The following AKT3 variants were observed in gnomAD, a reference collection of about 807,000 sequenced individuals.
The protein encoded by AKT3 is RAC-gamma serine/threonine-protein kinase.
A neutral mutation model predicts 65.3 loss-of-function variants in AKT3; 15 were observed. The observed-to-expected ratio is 0.23, with a 90% CI of 0.15 to 0.35. The LOEUF is 0.35. Ranked by LOEUF, AKT3 falls within the 10% of genes least tolerant of loss-of-function variation. AKT3 has a pLI of 1.00. For missense variants in AKT3, 243 were observed against 576.5 expected, an observed-to-expected ratio of 0.42 and a Z score of 5.92; for synonymous variants, 206 against 183.8, an observed-to-expected ratio of 1.12 and a Z score of -0.98.
chr1:243,770,383 C>G (rs1475863213), intron 2 of AKT3, among the ~76,000 whole-genome samples: 1 of 152,070 alleles, frequency 6.6e-6, no homozygotes, highest in East Asian at 1.9e-4. Flanking sequence ...TCAAAGAGAA[C>G]AAATTAATCA....
Position 243,577,877 on chromosome 1 carries a change from C to T in AKT3, c.697-4829G>A, listed in dbSNP as rs141192718. ...TCCCCATTCAAAAGTGGGCAAAGGACATGAGCAGACACTTCTCAAAAGAAG... is the reference window on the plus strand; with the variant it reads ...TCCCCATTCAAAAGTGGGCAAAGGATATGAGCAGACACTTCTCAAAAGAAG... On this transcript the variant is annotated intron_variant, in intron 8 of 13. Transcript: ENST00000673466. Among the ~76,000 whole-genome samples, 663 of 152,204 alleles carry T rather than the reference C, an allele frequency of 4.4e-3. 5 individuals are homozygous for T. Among genetic ancestry groups the T allele is most frequent in the African/African-American group, 0.015 (640 of 41,522 alleles).
At chr1:243,612,297 T>C (rs748467486) in intron 8 of AKT3, among the ~76,000 whole-genome samples, 1 of 151,870 alleles carries the variant, frequency 6.6e-6, no homozygotes, top group Non-Finnish European at 1.5e-5. Flanking sequence ...TTATTTTTTG[T>C]AGAGACAAGC....
intron 8 of AKT3, among the ~76,000 whole-genome samples, chr1:243,612,122 T>A (rs1309110255): frequency 6.6e-6 from 1 of 151,970 alleles, no homozygotes; most frequent in Admixed American, 6.6e-5. Context: ...TTTTTTTTTT[T>A]ATTTGAGACC....
At chr1:243,703,324 T>C (rs1334616434) in intron 2 of AKT3, among the ~76,000 whole-genome samples, 1 of 152,152 alleles carries the variant, frequency 6.6e-6, no homozygotes, top group East Asian at 1.9e-4. Flanking sequence ...AATAAGACAT[T>C]TGCAGTATTT....
chr1:243,761,415 TACTC>T (rs1689483701), intron 2 of AKT3, among the ~76,000 whole-genome samples: 1 of 152,158 alleles, frequency 6.6e-6, no homozygotes, highest in Admixed American at 6.5e-5. Flanking sequence ...AGAACTGTCT[TACTC>T]AGTAAAAACA....
chr1:243,776,437 A>G (rs1156960988), intron 2 of AKT3, among the ~76,000 whole-genome samples: 4 of 152,176 alleles, frequency 2.6e-5, no homozygotes, highest in South Asian at 2.1e-4. Context: ...CCTCACCCTC[A>G]TAAGAGTAGT....
At chr1:243,814,639 A>G (rs984432025) in intron 2 of AKT3, 1 of 152,206 alleles carries the variant, frequency 6.6e-6, no homozygotes, top group Non-Finnish European at 1.5e-5. Context: ...GTTCTCCCCC[A>G]ACCCCACTAC....
At chr1:243,613,577 G>C in intron 8 of AKT3, 94 bp downstream of exon 8, 1 of 915,392 alleles carries the variant, frequency 1.1e-6, no homozygotes, top group Non-Finnish European at 1.6e-6. Context: ...ATCAAGAAAT[G>C]GAGAACTGCT....
At chr1:243,712,301 TGAGAGA>T (rs1020315652) in intron 2 of AKT3, among the ~76,000 whole-genome samples, 4 of 152,112 alleles carry the variant, frequency 2.6e-5, no homozygotes, top group African/African-American at 9.7e-5. Context: ...AAACTGACGG[TGAGAGA>T]GAAAGTTTTT....
intron 13 of AKT3, among the ~76,000 whole-genome samples, chr1:243,509,917 A>C (rs1669914850): frequency 6.6e-6 from 1 of 152,182 alleles, no homozygotes; most frequent in Non-Finnish European, 1.5e-5. Flanking sequence ...CAGGCAGGAC[A>C]CAAGGCAGGT....
At chr1:243,496,418 T>A (rs1030173123), downstream of AKT3, among the ~76,000 whole-genome samples, 6 of 152,154 alleles carry the variant, frequency 3.9e-5, no homozygotes, top group African/African-American at 1.4e-4. Context: ...ATGCCCCAGA[T>A]GGAGGTAGGG....
At chr1:243,634,287 T>C (rs1437132944) in intron 6 of AKT3, among the ~76,000 whole-genome samples, 1 of 152,002 alleles carries the variant, frequency 6.6e-6, no homozygotes, top group African/African-American at 2.4e-5. Flanking sequence ...GTATTTTAAA[T>C]CCACATTGGT....
chr1:243,614,649 T>C (rs1026961421), intron 7 of AKT3, among the ~76,000 whole-genome samples: 1 of 152,154 alleles, frequency 6.6e-6, no homozygotes, highest in African/African-American at 2.4e-5. Flanking sequence ...CTCATTTCTA[T>C]AAAATATATT....
intron 4 of AKT3, among the ~76,000 whole-genome samples, chr1:243,656,309 A>G (rs1681786622): frequency 6.6e-6 from 1 of 152,144 alleles, no homozygotes; most frequent in Non-Finnish European, 1.5e-5. Flanking sequence ...ATTTTCACCA[A>G]CTGATTAGTT....
intron 8 of AKT3, among the ~76,000 whole-genome samples, chr1:243,579,790 T>A (rs1179306185): frequency 2.0e-5 from 3 of 152,162 alleles, no homozygotes; most frequent in African/African-American, 7.2e-5. Flanking sequence ...TTTTAGGTTA[T>A]AAAAATTTAA....
chr1:243,770,534 G>A (rs912160467), intron 2 of AKT3, among the ~76,000 whole-genome samples: 3 of 152,014 alleles, frequency 2.0e-5, no homozygotes, highest in African/African-American at 7.2e-5. Context: ...ATGTATATGA[G>A]AAGACAGAGA....
chr1:243,658,233 G>C (rs1309952207), intron 4 of AKT3, among the ~76,000 whole-genome samples: 1 of 152,060 alleles, frequency 6.6e-6, no homozygotes, highest in East Asian at 1.9e-4. Flanking sequence ...AATGTATAGG[G>C]AACTCCTATA....
intron 2 of AKT3, among the ~76,000 whole-genome samples, chr1:243,826,256 A>G (rs1003503655): frequency 4.6e-5 from 7 of 152,218 alleles, no homozygotes; most frequent in Non-Finnish European, 8.8e-5. Context: ...CAAATTTTCA[A>G]TCTGACCTCT....
At chr1:243,524,958 A>G (rs565718343) in intron 12 of AKT3, among the ~76,000 whole-genome samples, 2 of 152,184 alleles carry the variant, frequency 1.3e-5, no homozygotes, top group Non-Finnish European at 2.9e-5. Context: ...AGCTTATGCC[A>G]TTTAGGGTAA....
Sources: gnomAD v4.1 joint callset for allele counts (sites outside exome capture counted in the v4.1 genomes callset) on GRCh38, gnomAD v4.1.1 for gene constraint, MANE v1.5 for transcripts, NCBI Gene and HGNC (gene_info 2026-07-23, HGNC 2026-07-21) for gene names.